Variants in ZNF233 observed in about 807,000 individuals in gnomAD.
ZNF233 encodes the protein zinc finger protein 233.
A neutral mutation model predicts 11.6 loss-of-function variants in ZNF233; 7 were observed. The observed-to-expected ratio is 0.60, with a 90% CI of 0.34 to 1.13. The LOEUF is 1.13. Ranked by LOEUF, ZNF233 falls within the 50% of genes most tolerant of loss-of-function variation. ZNF233 has a pLI of 0.03. For synonymous variants in ZNF233, 226 were observed against 268.5 expected (o/e 0.84, Z 1.55); for missense variants, 711 against 785.5 (o/e 0.91, Z 1.13).
Position 44,259,925 on chromosome 19 carries a change from A to G in ZNF233, c.-61A>G, listed in dbSNP as rs901228199. On this transcript the variant is annotated 5_prime_UTR_variant, in exon 1 of 5. Transcript: ENST00000683810. ...CAGGAGGGCGAAGCAGCCGTCATCT[A>G]TCCCCTCTGGGAGGTGAGTCAGCGC... is the stretch of plus-strand genomic sequence containing the variant. 2.2e-6 allele frequency: 1 copy of G among 455,804 alleles called. No individual in the cohort carries two copies. The highest frequency in any genetic ancestry group is 2.0e-5 in the African/African-American group (1 of 50,034). 28.2% of individuals were successfully genotyped at this position (455,804 alleles called of 1,614,324 possible).
Position 44,264,353 on chromosome 19 carries a change from A to G in ZNF233, c.-8A>G, listed in dbSNP as rs758017257. ...GACCCTGCCCTTCCCCAGAAGGAGC[A>G]GGAGAAAATGACCAAGTTTCAGGTG... On this transcript the variant is annotated 5_prime_UTR_variant, in exon 2 of 5. Transcript: ENST00000683810. 1 of 1,613,504 alleles carries G rather than the reference A, an allele frequency of 6.2e-7. No individual in the cohort carries two copies.
rs1975316548 is a variant in ZNF233, at chr19:44,273,900, C to G, written c.1240C>G (p.Gln414Glu). The G allele has an allele frequency of 4.3e-6, 7 of 1,614,244 alleles. No individual in the cohort carries two copies. Among genetic ancestry groups the G allele is most frequent in the Non-Finnish European group, 5.1e-6 (6 of 1,180,052 alleles). ...AGGCTTCAGTCAGACATCACAACTT[C>G]AAGCCCATCAGAGAGGTCACTCTAG... ...DKGFSQTSQLQAHQRGHSRDK... is the reference protein window; with the variant it reads ...DKGFSQTSQLEAHQRGHSRDK... Residue 414 changes from glutamine (Q) to glutamate (E), a missense_variant, in exon 5 of 5, where the codon CAA becomes GAA. Gln to Glu is a conservative substitution (Grantham distance 29). Transcript: ENST00000683810.
chr19:44,273,088 T>C lies in ZNF233; in HGVS notation c.428T>C (p.Val143Ala). ...AAACAAGGTGATTCCCCCTGTCAGGTGTGGACAGGAGAATCTAGTCAGGTC... is the reference window on the plus strand; with the variant it reads ...AAACAAGGTGATTCCCCCTGTCAGGCGTGGACAGGAGAATCTAGTCAGGTC... ...LLKQGDSPCQ[V>A]WTGESSQVSE... The change falls in exon 5 of 5, where the codon GTG (valine) becomes GCG (alanine). Residue 143 changes from valine to alanine, a missense_variant. Physicochemically the swap from Val to Ala is moderately conservative, Grantham distance 64. Transcript: ENST00000683810. The C allele has an allele frequency of 6.2e-7, 1 of 1,614,060 alleles. No individual in the cohort carries two copies. The highest frequency in any genetic ancestry group is 8.5e-7 in the Non-Finnish European group (1 of 1,180,010).
intron 4 of ZNF233, chr19:44,267,717 TTCTG>T (rs60130281): frequency 0.16 from 44,857 of 275,716 alleles, 4,438 homozygotes; most frequent in African/African-American, 0.3. Flanking sequence ...CCTTTTGCTC[TTCTG>T]TCTGCCTGGG....
chr19:44,262,951 G>C (rs1405405542), intron 1 of ZNF233, among the ~76,000 whole-genome samples: 1 of 152,088 alleles, frequency 6.6e-6, no homozygotes, highest in East Asian at 1.9e-4. Flanking sequence ...ATTAGAGAAG[G>C]AGACACGATT....
chr19:44,263,760 G>A (rs879388661), intron 1 of ZNF233, among the ~76,000 whole-genome samples: 1 of 152,172 alleles, frequency 6.6e-6, no homozygotes, highest in African/African-American at 2.4e-5. Flanking sequence ...TTGAAATCTG[G>A]ATGTTATAAA....
At chr19:44,260,078 G>A (rs1215820199) in intron 1 of ZNF233, 140 bp downstream of exon 1, 1 of 347,564 alleles carries the variant, frequency 2.9e-6, no homozygotes, top group Non-Finnish European at 5.8e-6. Flanking sequence ...TGTTTTTAGG[G>A]CGGTGCATGG....
chr19:44,273,608 T>A lies in ZNF233; in HGVS notation c.948T>A (p.Asn316Lys). Residue 316 changes from asparagine to lysine, a missense_variant, in exon 5 of 5, where the codon AAT becomes AAA. Physicochemically the swap from Asn to Lys is moderately conservative, Grantham distance 94. Transcript: ENST00000683810. ...CFHIGEKCYRNGDSGEGFSQG... is the reference protein window; with the variant it reads ...CFHIGEKCYRKGDSGEGFSQG... The stretch of plus-strand genomic sequence containing the variant: ...ACATAGGAGAGAAATGCTATAGGAA[T>A]GGTGACAGTGGTGAGGGCTTCAGTC... 1 of 1,614,184 alleles carries A rather than the reference T, an allele frequency of 6.2e-7. No individual in the cohort carries two copies. The highest frequency in any genetic ancestry group is 8.5e-7 in the Non-Finnish European group (1 of 1,180,028).
chr19:44,265,425 TTTTG>T (rs1211060221), intron 2 of ZNF233, among the ~76,000 whole-genome samples: 3 of 151,406 alleles, frequency 2.0e-5, no homozygotes, highest in South Asian at 2.1e-4. Flanking sequence ...GTTTCTTTTC[TTTTG>T]TTTTTTTTTG....
At chr19:44,267,000 C>G (rs755184876) in intron 4 of ZNF233, 39 bp downstream of exon 4, 1 of 1,510,150 alleles carries the variant, frequency 6.6e-7, no homozygotes, top group Non-Finnish European at 9.1e-7. Context: ...CGGGGTACAG[C>G]CTAGTCCTCT....
chr19:44,274,250 C>T lies in ZNF233; in HGVS notation c.1590C>T (p.His530=), dbSNP rs1241494362. 1.9e-6 allele frequency: 3 copies of T among 1,609,654 alleles called. No individual in the cohort carries two copies. Among genetic ancestry groups the T allele is most frequent in the Non-Finnish European group, 2.6e-6 (3 of 1,176,464 alleles). Residue 530 remains histidine, a synonymous_variant, in exon 5 of 5, where the codon CAC becomes CAT. Coordinates refer to ENST00000683810, the MANE Select transcript of ZNF233 (RefSeq NM_001207005.2). Reference sequence around the variant, plus strand: ...ATCTTCAGGCCCATCAGAGAGTTCACAAAGGAGAGAAGCCATACAAATGTG... The same window carrying T: ...ATCTTCAGGCCCATCAGAGAGTTCATAAAGGAGAGAAGCCATACAAATGTG... ...ISHLQAHQRV[H]KGEKPYKCET... is the part of the protein sequence containing the mutation.
chr19:44,273,349 G>A lies in ZNF233; in HGVS notation c.689G>A (p.Arg230Lys). The A allele has an allele frequency of 1.2e-6, 2 of 1,614,158 alleles. No individual in the cohort carries two copies. The highest frequency in any genetic ancestry group is 2.7e-5 in the African/African-American group (2 of 75,038). Reference protein sequence around the residue: ...HQHDDHGVHKREKAFSHNNCG... With the variant: ...HQHDDHGVHKKEKAFSHNNCG... The stretch of plus-strand genomic sequence containing the variant: ...CATGATGATCATGGAGTACACAAAA[G>A]AGAGAAAGCTTTTAGCCACAATAAT... Residue 230 changes from arginine (R) to lysine (K), a missense_variant, in exon 5 of 5, where the codon AGA becomes AAA. By Grantham distance (26) the Arg-to-Lys change is conservative (BLOSUM62 2). Coordinates refer to ENST00000683810, the MANE Select transcript of ZNF233 (RefSeq NM_001207005.2).
intron 1 of ZNF233, among the ~76,000 whole-genome samples, chr19:44,263,413 C>A (rs1237178): frequency 0.28 from 42,020 of 151,984 alleles, 8,921 homozygotes; most frequent in African/African-American, 0.59. Context: ...CATTAATCCC[C>A]AAAGCAACTG....
At position 44,274,331 on chromosome 19, in the gene ZNF233, C is replaced by T; in HGVS notation, c.1671C>T (p.Val557=). The change falls in exon 5 of 5, where the codon GTC becomes GTT. Residue 557 remains valine, a synonymous_variant. Coordinates refer to ENST00000683810, the MANE Select transcript of ZNF233 (RefSeq NM_001207005.2). Reference sequence around the variant, plus strand: ...CGCATCTCCAAGACCATCAGCAAGTCCATACTGGAGAGAATCCCTACAAAT... The same window carrying T: ...CGCATCTCCAAGACCATCAGCAAGTTCATACTGGAGAGAATCCCTACAAAT... ...QSSHLQDHQQ[V]HTGENPYKCD... 6.2e-7 allele frequency: 1 copy of T among 1,613,826 alleles called. No individual in the cohort carries two copies. Among genetic ancestry groups the T allele is most frequent in the African/African-American group, 1.3e-5 (1 of 74,932 alleles).
intron 2 of ZNF233, 125 bp from the exon 3 acceptor site, chr19:44,266,073 A>G (rs1279706763): frequency 1.9e-6 from 2 of 1,061,126 alleles, no homozygotes; most frequent in Non-Finnish European, 2.6e-6. Flanking sequence ...AAGCTACTTA[A>G]AGTTCATTCG....
At position 44,273,102 on chromosome 19, in the gene ZNF233, T is replaced by G. The variant is rs1383499157; in HGVS notation, c.442T>G (p.Ser148Ala). 6.2e-6 allele frequency: 10 copies of G among 1,613,952 alleles called. No homozygotes were observed. In the African/African-American group the frequency reaches 1.2e-4, roughly 19 times the overall value. ...CCCCTGTCAGGTGTGGACAGGAGAA[T>G]CTAGTCAGGTCTCTGAAGATGAGAA... ...DSPCQVWTGESSQVSEDENYV... is the reference protein window; with the variant it reads ...DSPCQVWTGEASQVSEDENYV... Residue 148 changes from serine to alanine, a missense_variant, in exon 5 of 5, where the codon TCT becomes GCT. By Grantham distance (99) the Ser-to-Ala change is moderately conservative. Coordinates refer to ENST00000683810, the MANE Select transcript of ZNF233 (RefSeq NM_001207005.2).
At chr19:44,271,512 ATT>A (rs777837579) in intron 4 of ZNF233, among the ~76,000 whole-genome samples, 2 of 142,926 alleles carry the variant, frequency 1.4e-5, no homozygotes, top group Non-Finnish European at 1.5e-5. Flanking sequence ...AGAGGAGAGG[ATT>A]TTTTTTTTTT....
At chr19:44,272,856 A>T (rs1201156058) in intron 4 of ZNF233, 43 bp from the exon 5 acceptor site, 2 of 1,338,094 alleles carry the variant, frequency 1.5e-6, no homozygotes, top group East Asian at 4.6e-5. Flanking sequence ...ACAAATGTTC[A>T]GTTGTCTTCA....
intron 1 of ZNF233, chr19:44,260,190 T>C (rs781144052): frequency 7.0e-5 from 16 of 229,550 alleles, no homozygotes; most frequent in Non-Finnish European, 1.2e-4. Context: ...CTCTGCTGTC[T>C]TCTGGCAATA....
Sources: allele counts gnomAD v4.1 joint callset (sites outside exome capture counted in the v4.1 genomes callset), GRCh38; gene constraint gnomAD v4.1.1; transcripts MANE v1.5; gene names NCBI Gene and HGNC (gene_info 2026-07-23, HGNC 2026-07-21).